Variants in TMEM132D observed in about 807,000 individuals in gnomAD.
TMEM132D encodes transmembrane protein 132D.
A neutral mutation model predicts 62.3 loss-of-function variants in TMEM132D; 21 were observed. The ratio of observed to expected loss-of-function variants is 0.34; its 90% CI spans 0.24 to 0.49. The LOEUF (loss-of-function observed/expected upper bound fraction) is 0.49, where lower values mean the gene tolerates loss of function less well. TMEM132D is among the 20% of genes least tolerant of loss of function. TMEM132D has a pLI of 0.99. For missense variants in TMEM132D, 1,346 were observed against 1,402.8 expected (o/e 0.96, Z 0.65); for synonymous variants, 621 against 575.6 (o/e 1.08, Z -1.13).
At chr12:129,534,333 T>A (rs1003711427) in intron 2 of TMEM132D, among the ~76,000 whole-genome samples, 1 of 152,138 alleles carries the variant, frequency 6.6e-6, no homozygotes, top group Non-Finnish European at 1.5e-5. Context: ...TGCACTGTGA[T>A]TGGGTATCAA....
At chr12:129,563,656 A>G (rs764049674) in intron 2 of TMEM132D, among the ~76,000 whole-genome samples, 16 of 152,214 alleles carry the variant, frequency 1.1e-4, no homozygotes, top group Non-Finnish European at 1.8e-4. Context: ...TCCTTTTAGG[A>G]TAGATTCAGG....
At chr12:129,636,019 C>T (rs1246828718) in intron 2 of TMEM132D, among the ~76,000 whole-genome samples, 1 of 152,138 alleles carries the variant, frequency 6.6e-6, no homozygotes, top group African/African-American at 2.4e-5. Context: ...AGAGTTATTA[C>T]CTAAAGAGCT....
chr12:129,151,007 G>A (rs1439728622), intron 5 of TMEM132D, among the ~76,000 whole-genome samples: 1 of 152,148 alleles, frequency 6.6e-6, no homozygotes, highest in East Asian at 1.9e-4. Flanking sequence ...CTGTCCCCTG[G>A]AGGATCCCAG....
intron 4 of TMEM132D, among the ~76,000 whole-genome samples, chr12:129,325,918 C>T (rs1025897606): frequency 3.3e-5 from 5 of 152,124 alleles, no homozygotes; most frequent in Non-Finnish European, 5.9e-5. Context: ...AAGAGAAAGA[C>T]GATGAAGTTC....
chr12:129,433,502 G>A (rs1872716219), intron 3 of TMEM132D, among the ~76,000 whole-genome samples: 1 of 151,978 alleles, frequency 6.6e-6, no homozygotes, highest in Non-Finnish European at 1.5e-5. Context: ...GATCCTCCTT[G>A]TGTCAGGAGA....
intron 4 of TMEM132D, among the ~76,000 whole-genome samples, chr12:129,310,396 T>C (rs1356311480): frequency 6.6e-6 from 1 of 152,204 alleles, no homozygotes; most frequent in Non-Finnish European, 1.5e-5. Context: ...TACCAATCCT[T>C]GGCCTGAGAG....
chr12:129,678,467 A>AT (rs1880694807), intron 2 of TMEM132D, among the ~76,000 whole-genome samples: 1 of 151,960 alleles, frequency 6.6e-6, no homozygotes, highest in Non-Finnish European at 1.5e-5. Flanking sequence ...GTCTGTTCAT[A>AT]TTTTTTGCCC....
At chr12:129,843,942 ATT>A (rs199923177) in intron 1 of TMEM132D, among the ~76,000 whole-genome samples, 14 of 151,524 alleles carry the variant, frequency 9.2e-5, no homozygotes, top group African/African-American at 3.4e-4. Flanking sequence ...TAAAAAAAAA[ATT>A]TTTTTAATTA....
chr12:129,375,424 T>C (rs2135683362), intron 3 of TMEM132D, among the ~76,000 whole-genome samples: 2 of 152,312 alleles, frequency 1.3e-5, no homozygotes, highest in Middle Eastern at 3.4e-3. Context: ...GTGATACTGA[T>C]GCTTGGAGTC....
At chr12:129,732,371 T>G (rs1326777146) in intron 1 of TMEM132D, among the ~76,000 whole-genome samples, 1 of 152,176 alleles carries the variant, frequency 6.6e-6, no homozygotes, top group Non-Finnish European at 1.5e-5. Context: ...CCAGAATGAC[T>G]GAAATAGTTT....
intron 2 of TMEM132D, among the ~76,000 whole-genome samples, chr12:129,545,059 C>T (rs1365155190): frequency 6.6e-6 from 1 of 152,206 alleles, no homozygotes; most frequent in Non-Finnish European, 1.5e-5. Context: ...CGACAATGAT[C>T]AGCTTTCTTC....
intron 3 of TMEM132D, among the ~76,000 whole-genome samples, chr12:129,395,940 A>T (rs1178650364): frequency 1.4e-5 from 2 of 145,866 alleles, no homozygotes; most frequent in Non-Finnish European, 3.0e-5. Context: ...TACTATATAT[A>T]ATGTATTATA....
chr12:129,233,128 A>G (rs1879687530), intron 4 of TMEM132D, among the ~76,000 whole-genome samples: 1 of 152,226 alleles, frequency 6.6e-6, no homozygotes, highest in Non-Finnish European at 1.5e-5. Flanking sequence ...TATATGTATA[A>G]GTAAATGCAT....
chr12:129,101,374 C>G (rs569120848), intron 5 of TMEM132D, among the ~76,000 whole-genome samples: 1 of 152,232 alleles, frequency 6.6e-6, no homozygotes, highest in Non-Finnish European at 1.5e-5. Context: ...GATGTGCCAC[C>G]ATGGCTTTTG....
At chr12:129,274,257 A>G (rs902067111) in intron 4 of TMEM132D, among the ~76,000 whole-genome samples, 1 of 149,464 alleles carries the variant, frequency 6.7e-6, no homozygotes, top group African/African-American at 2.6e-5. Context: ...AGGCCAGAAC[A>G]ATGTGTGCTC....
At chr12:129,574,079 C>T (rs77462322) in intron 2 of TMEM132D, among the ~76,000 whole-genome samples, 2,049 of 151,786 alleles carry the variant, frequency 0.013, 94 homozygotes, top group African/African-American at 0.047. Flanking sequence ...TTGTGTGTAA[C>T]GTTTACAATA....
At chr12:129,296,098 A>G (rs1881567833) in intron 4 of TMEM132D, among the ~76,000 whole-genome samples, 1 of 152,052 alleles carries the variant, frequency 6.6e-6, no homozygotes, top group Admixed American at 6.6e-5. Flanking sequence ...ATATATATAT[A>G]TACATATGTA....
At chr12:129,784,389 T>C (rs1160549607) in intron 1 of TMEM132D, among the ~76,000 whole-genome samples, 1 of 152,076 alleles carries the variant, frequency 6.6e-6, no homozygotes, top group Admixed American at 6.6e-5. Flanking sequence ...GTCACCGACT[T>C]ATTTTTAAAA....
intron 3 of TMEM132D, among the ~76,000 whole-genome samples, chr12:129,456,740 A>G (rs1873482554): frequency 6.6e-6 from 1 of 152,168 alleles, no homozygotes; most frequent in Non-Finnish European, 1.5e-5. Context: ...TGGTCATCCC[A>G]GTCCACTCTT....
Sources: gnomAD v4.1 joint callset for allele counts (sites outside exome capture counted in the v4.1 genomes callset) on GRCh38, gnomAD v4.1.1 for gene constraint, MANE v1.5 for transcripts, NCBI Gene and HGNC (gene_info 2026-07-23, HGNC 2026-07-21) for gene names.